The following SYT1 variants were observed in gnomAD, a reference collection of about 807,000 sequenced individuals.
SYT1 encodes synaptotagmin 1.
A neutral mutation model predicts 44.8 loss-of-function variants in SYT1; 8 were observed. The observed-to-expected ratio is 0.18, with a 90% CI of 0.10 to 0.32. The LOEUF (loss-of-function observed/expected upper bound fraction) is 0.32, where lower values mean the gene tolerates loss of function less well. Ranked by LOEUF, SYT1 falls within the 10% of genes least tolerant of loss-of-function variation. SYT1 has a pLI of 1.00. For synonymous variants in SYT1, 154 were observed against 188.8 expected (o/e 0.82, Z 1.51); for missense variants, 286 against 509.3 (o/e 0.56, Z 4.22).
chr12:79,145,218 T>C (rs1260567085), intron 3 of SYT1, among the ~76,000 whole-genome samples: 1 of 152,194 alleles, frequency 6.6e-6, no homozygotes, highest in Non-Finnish European at 1.5e-5. Context: ...GAATGTGTAC[T>C]ATACATGCTT....
chr12:79,247,617 C>G (rs2138678354), intron 4 of SYT1, among the ~76,000 whole-genome samples: 1 of 152,242 alleles, frequency 6.6e-6, no homozygotes, highest in Non-Finnish European at 1.5e-5. Context: ...TAGCAACCAC[C>G]TACACATTGG....
chr12:79,266,427 G>A (rs1878131075), intron 4 of SYT1, among the ~76,000 whole-genome samples: 1 of 152,038 alleles, frequency 6.6e-6, no homozygotes, highest in Admixed American at 6.6e-5. Flanking sequence ...AAATAAAGGG[G>A]ATTCTACATC....
intron 2 of SYT1, chr12:79,036,591 G>C (rs1179401699): frequency 6.6e-6 from 1 of 151,740 alleles, no homozygotes; most frequent in African/African-American, 2.4e-5. Flanking sequence ...AAAAAGAAAA[G>C]ATAAAGATTT....
intron 8 of SYT1, among the ~76,000 whole-genome samples, chr12:79,324,775 CA>C (rs200241556): frequency 0.071 from 9,982 of 141,588 alleles, 428 homozygotes; most frequent in African/African-American, 0.13. Flanking sequence ...CCATGACTGG[CA>C]AAAAAAAAAG....
chr12:79,052,771 G>A (rs1280090163), intron 3 of SYT1, among the ~76,000 whole-genome samples: 1 of 152,090 alleles, frequency 6.6e-6, no homozygotes, highest in Admixed American at 6.6e-5. Flanking sequence ...CATCATCACT[G>A]GCCATCAGAG....
At chr12:79,214,544 G>C (rs1874662659) in intron 3 of SYT1, among the ~76,000 whole-genome samples, 1 of 152,124 alleles carries the variant, frequency 6.6e-6, no homozygotes, top group African/African-American at 2.4e-5. Flanking sequence ...ACAATTATAA[G>C]CTGGAGTAAA....
chr12:79,420,387 T>C (rs1869032459), intron 9 of SYT1, among the ~76,000 whole-genome samples: 1 of 152,196 alleles, frequency 6.6e-6, no homozygotes, highest in Non-Finnish European at 1.5e-5. Flanking sequence ...CTGCATCTTA[T>C]ACCTGCATTC....
intron 9 of SYT1, among the ~76,000 whole-genome samples, chr12:79,412,297 C>G (rs183765019): frequency 6.6e-6 from 1 of 152,200 alleles, no homozygotes. Flanking sequence ...TGCATGCTTA[C>G]TTGGGGCACT....
intron 1 of SYT1, among the ~76,000 whole-genome samples, chr12:78,959,223 A>G (rs1475587251): frequency 2.6e-5 from 4 of 152,182 alleles, no homozygotes; most frequent in Non-Finnish European, 4.4e-5. Flanking sequence ...CAGCATGTAT[A>G]TACGTAATTT....
At chr12:79,408,326 G>A (rs1052916913) in intron 9 of SYT1, among the ~76,000 whole-genome samples, 1 of 152,108 alleles carries the variant, frequency 6.6e-6, no homozygotes, top group Non-Finnish European at 1.5e-5. Flanking sequence ...AAGGCTGAAC[G>A]ACCAAGTGAA....
At chr12:79,247,980 A>T (rs1171334171) in intron 4 of SYT1, among the ~76,000 whole-genome samples, 1 of 152,210 alleles carries the variant, frequency 6.6e-6, no homozygotes, top group South Asian at 2.1e-4. Context: ...GTCAATAAAG[A>T]TCTTATTGGT....
At chr12:79,244,829 T>A (rs578020052) in intron 4 of SYT1, among the ~76,000 whole-genome samples, 1 of 152,244 alleles carries the variant, frequency 6.6e-6, no homozygotes, top group Non-Finnish European at 1.5e-5. Flanking sequence ...CTAGTTTGAC[T>A]TTTGAACGGC....
At chr12:79,375,301 G>T (rs1883949718) in intron 9 of SYT1, among the ~76,000 whole-genome samples, 1 of 152,098 alleles carries the variant, frequency 6.6e-6, no homozygotes, top group Non-Finnish European at 1.5e-5. Context: ...CCAAGAACCG[G>T]GTTGAGGGAT....
At chr12:79,143,530 C>CTA (rs1234591833) in intron 3 of SYT1, among the ~76,000 whole-genome samples, 1 of 152,114 alleles carries the variant, frequency 6.6e-6, no homozygotes, top group Non-Finnish European at 1.5e-5. Flanking sequence ...GATGGGGCTG[C>CTA]TATAATCAAA....
intron 2 of SYT1, among the ~76,000 whole-genome samples, chr12:78,983,623 G>T (rs1357846941): frequency 6.6e-6 from 1 of 152,046 alleles, no homozygotes; most frequent in African/African-American, 2.4e-5. Flanking sequence ...ACTATTCCAG[G>T]ATATTAGAAC....
intron 8 of SYT1, among the ~76,000 whole-genome samples, chr12:79,340,116 CT>C (rs1403188183): frequency 4.6e-5 from 7 of 152,146 alleles, no homozygotes; most frequent in African/African-American, 1.7e-4. Flanking sequence ...ATGCCTCCAG[CT>C]TTGTTCTTTT....
chr12:79,308,582 GA>G (rs1565901294), intron 8 of SYT1, among the ~76,000 whole-genome samples: 1 of 130,704 alleles, frequency 7.7e-6, no homozygotes, highest in African/African-American at 3.0e-5. Flanking sequence ...AGAAAAGAAG[GA>G]AAAGAAAGAA....
chr12:79,391,021 G>A (rs1884636237), intron 9 of SYT1, among the ~76,000 whole-genome samples: 1 of 152,158 alleles, frequency 6.6e-6, no homozygotes, highest in Non-Finnish European at 1.5e-5. Flanking sequence ...CAAACATCCA[G>A]TAGTAACTAA....
intron 4 of SYT1, among the ~76,000 whole-genome samples, chr12:79,226,481 A>G (rs951621470): frequency 6.6e-6 from 1 of 152,132 alleles, no homozygotes; most frequent in African/African-American, 2.4e-5. Flanking sequence ...CAGATAAACA[A>G]TCTGCTTGTC....
Sources: allele counts gnomAD v4.1 joint callset (sites outside exome capture counted in the v4.1 genomes callset), GRCh38; gene constraint gnomAD v4.1.1; transcripts MANE v1.5; gene names NCBI Gene and HGNC (gene_info 2026-07-23, HGNC 2026-07-21).